ZNF438: variants seen among roughly 807,000 people sequenced by gnomAD.
ZNF438 encodes the protein zinc finger protein 438.
In ZNF438, 25 loss-of-function variants were observed where a neutral mutation model predicts 38.0. That is an observed-to-expected ratio of 0.66 (90% CI 0.48 to 0.92). The LOEUF (loss-of-function observed/expected upper bound fraction) is 0.92, where lower values mean the gene tolerates loss of function less well. ZNF438 is among the 40% of genes least tolerant of loss of function. ZNF438 has a pLI of 0.00. For missense variants in ZNF438, 1,007 were observed against 999.6 expected, an observed-to-expected ratio of 1.01 and a Z score of -0.10; for synonymous variants, 372 against 364.1, an observed-to-expected ratio of 1.02 and a Z score of -0.25.
intron 2 of ZNF438, among the ~76,000 whole-genome samples, chr10:30,911,832 G>C (rs1382541464): frequency 6.6e-6 from 1 of 151,908 alleles, no homozygotes; most frequent in Non-Finnish European, 1.5e-5. Flanking sequence ...CTCCTTCCTG[G>C]TATCACATAC....
rs563189482 is a variant in ZNF438 at position 31,010,892 on chromosome 10, GAAAAAAAAAA to G, written c.-192+20931_-192+20940del. 7.2e-3 allele frequency among the ~76,000 whole-genome samples: 665 copies of G among 92,536 alleles called. 15 individuals are homozygous for G. Among genetic ancestry groups the G allele is most frequent in the African/African-American group, 0.027 (508 of 18,708 alleles). 60.7% of individuals were successfully genotyped at this position (92,536 alleles called of 152,430 possible). On this transcript the variant is annotated intron_variant, in intron 1 of 5. Transcript: ENST00000413025. Reference sequence around the variant, plus strand: ...TGGATAACGAAGTGAGACCCTGTTTGAAAAAAAAAAAAAAAAAAAAAAAAAAAAAAGATTT... The same window carrying G: ...TGGATAACGAAGTGAGACCCTGTTTGAAAAAAAAAAAAAAAAAAAAGATTT...
intron 3 of ZNF438, among the ~76,000 whole-genome samples, chr10:30,887,273 A>T (rs1429525591): frequency 6.6e-6 from 1 of 152,212 alleles, no homozygotes; most frequent in African/African-American, 2.4e-5. Context: ...GCTCTGGGCC[A>T]TGCTTTCCCC....
At chr10:30,964,243 C>G (rs934826075) in intron 1 of ZNF438, among the ~76,000 whole-genome samples, 1 of 152,192 alleles carries the variant, frequency 6.6e-6, no homozygotes, top group African/African-American at 2.4e-5. Flanking sequence ...TAGCCTTACT[C>G]TTTTATACTC....
chr10:30,900,369 T>C lies in ZNF438; in HGVS notation c.-32+8564A>G, dbSNP rs536354946. Among the ~76,000 whole-genome samples the C allele has an allele frequency of 3.3e-5, 5 of 152,238 alleles. No individual in the cohort carries two copies. The South Asian group carries it at 8.3e-4, about 25-fold the overall frequency. On this transcript the variant is annotated intron_variant, in intron 3 of 5. Transcript: ENST00000413025. ...ATACCACTTACTAGCTATGTAAACT[T>C]GACCTCACTCCACCAAAATAGCCCA...
intron 1 of ZNF438, among the ~76,000 whole-genome samples, chr10:31,026,885 T>A (rs2056979291): frequency 6.6e-6 from 1 of 152,136 alleles, no homozygotes; most frequent in Admixed American, 6.5e-5. Context: ...ATGTGGCACA[T>A]ATACACCATG....
chr10:30,878,756 G>A (rs893757515), intron 3 of ZNF438, among the ~76,000 whole-genome samples: 1 of 152,120 alleles, frequency 6.6e-6, no homozygotes, highest in African/African-American at 2.4e-5. Flanking sequence ...CCTGGGCACC[G>A]CCACAGGGTG....
intron 4 of ZNF438, among the ~76,000 whole-genome samples, chr10:30,852,968 C>CA (rs1554812032): frequency 2.1e-5 from 3 of 145,872 alleles, no homozygotes; most frequent in Non-Finnish European, 4.5e-5. Context: ...ACCTTCTCAT[C>CA]TTTTTTTTTT....
At position 30,891,135 on chromosome 10, in the gene ZNF438, C is replaced by T. The variant is rs73249032; in HGVS notation, c.-31-14070G>A. Among the ~76,000 whole-genome samples, 311 of 152,190 alleles carry T rather than the reference C, an allele frequency of 2.0e-3. 1 individual carries two copies. The highest frequency in any genetic ancestry group is 7.0e-3 in the African/African-American group (291 of 41,532). Reference sequence around the variant, plus strand: ...TCCACTTTCCAAGTGTTTGGTGGGGCCTCTTAATCAGAAAATTTGTGCATT... The same window carrying T: ...TCCACTTTCCAAGTGTTTGGTGGGGTCTCTTAATCAGAAAATTTGTGCATT... On this transcript the variant is annotated intron_variant, in intron 3 of 5. Coordinates refer to ENST00000413025, the Ensembl canonical transcript of ZNF438.
At chr10:30,875,806 C>T (rs2085768373) in intron 4 of ZNF438, among the ~76,000 whole-genome samples, 2 of 152,342 alleles carry the variant, frequency 1.3e-5, no homozygotes, top group South Asian at 2.1e-4. Flanking sequence ...GCATGTTTGG[C>T]CTTCCAAGGC....
At chr10:31,030,528 A>C (rs995548296) in intron 1 of ZNF438, among the ~76,000 whole-genome samples, 3 of 152,232 alleles carry the variant, frequency 2.0e-5, no homozygotes, top group African/African-American at 7.2e-5. Flanking sequence ...CAAACAGATA[A>C]ACCATCGGCT....
intron 4 of ZNF438, among the ~76,000 whole-genome samples, chr10:30,855,827 T>C (rs1277670495): frequency 6.6e-6 from 1 of 152,240 alleles, no homozygotes; most frequent in Non-Finnish European, 1.5e-5. Flanking sequence ...AAATATATCC[T>C]TTATATGTGC....
intron 4 of ZNF438, among the ~76,000 whole-genome samples, chr10:30,854,643 T>C (rs1189592104): frequency 1.3e-5 from 2 of 152,336 alleles, no homozygotes; most frequent in East Asian, 3.9e-4. Flanking sequence ...ATTTTATTTA[T>C]TGCCAGAATA....
chr10:30,945,165 G>T (rs946221373), intron 1 of ZNF438, among the ~76,000 whole-genome samples: 1 of 151,214 alleles, frequency 6.6e-6, no homozygotes, highest in Non-Finnish European at 1.5e-5. Flanking sequence ...TTTCTGTTCT[G>T]TCCATTATTG....
At chr10:31,007,416 G>A (rs527525589) in intron 1 of ZNF438, among the ~76,000 whole-genome samples, 1 of 151,786 alleles carries the variant, frequency 6.6e-6, no homozygotes, top group South Asian at 2.1e-4. Flanking sequence ...TGAGTAGCTG[G>A]GATTACAGGT....
chr10:30,955,029 T>G (rs980263878), intron 1 of ZNF438, among the ~76,000 whole-genome samples: 1 of 152,232 alleles, frequency 6.6e-6, no homozygotes, highest in African/African-American at 2.4e-5. Flanking sequence ...TAAAGCTGTA[T>G]GTTTCCTGTT....
rs147618054 is a variant in ZNF438 at position 30,968,109 on chromosome 10, A to G, written c.-191-26458T>C. On this transcript the variant is annotated intron_variant, in intron 1 of 5. Coordinates refer to ENST00000413025, the Ensembl canonical transcript of ZNF438. ...AAACAGCCTCTAGCCTAATTGCTAC[A>G]TATGTACTATATCACTGCCTTACCC... 1.8e-3 allele frequency among the ~76,000 whole-genome samples: 277 copies of G among 152,326 alleles called. 2 individuals are homozygous for G. Among genetic ancestry groups the G allele is most frequent in the African/African-American group, 6.3e-3 (261 of 41,576 alleles).
intron 1 of ZNF438, among the ~76,000 whole-genome samples, chr10:30,971,842 G>A (rs900255278): frequency 2.0e-5 from 3 of 152,092 alleles, no homozygotes; most frequent in African/African-American, 7.2e-5. Context: ...TAATCAAGGT[G>A]CAAAGAGGCT....
At chr10:30,948,425 G>C (rs2047722125) in intron 1 of ZNF438, among the ~76,000 whole-genome samples, 1 of 152,160 alleles carries the variant, frequency 6.6e-6, no homozygotes, top group Non-Finnish European at 1.5e-5. Flanking sequence ...GCTGAGAGAA[G>C]AAGGCTTCAG....
At chr10:30,873,693 G>T (rs1196632293) in intron 4 of ZNF438, among the ~76,000 whole-genome samples, 1 of 152,154 alleles carries the variant, frequency 6.6e-6, no homozygotes, top group African/African-American at 2.4e-5. Context: ...CAGGATTTTA[G>T]AGCCTAAAAG....
Sources: allele counts gnomAD v4.1 joint callset (sites outside exome capture counted in the v4.1 genomes callset), GRCh38; gene constraint gnomAD v4.1.1; transcripts MANE v1.5; gene names NCBI Gene and HGNC (gene_info 2026-07-23, HGNC 2026-07-21).